IL3RA: variants seen among roughly 807,000 people sequenced by gnomAD.
IL3RA encodes interleukin 3 receptor subunit alpha.
A neutral mutation model predicts 52.3 loss-of-function variants in IL3RA; 73 were observed. That is an observed-to-expected ratio of 1.40 (90% CI 1.16 to 1.70). The LOEUF (loss-of-function observed/expected upper bound fraction) is 1.70, where lower values mean the gene tolerates loss of function less well. IL3RA is among the 40% of genes most tolerant of loss of function. The pLI is 0.00. For missense variants in IL3RA, 664 were observed against 504.4 expected (o/e 1.32, Z -3.03); for synonymous variants, 260 against 194.0 (o/e 1.34, Z -2.83).
chrX:1,381,084 A>G lies in IL3RA; in HGVS notation c.1042A>G (p.Ser348Gly). 3 of 1,613,868 alleles carry G rather than the reference A, an allele frequency of 1.9e-6. No individual in the cohort carries two copies. The highest frequency in any genetic ancestry group is 2.5e-6 in the Non-Finnish European group (3 of 1,179,812). Reference protein sequence around the residue: ...IPHMKDPIGDSFQNDKLVVWE... With the variant: ...IPHMKDPIGDGFQNDKLVVWE... ...TCACATGAAAGACCCCATCGGTGAC[A>G]GCTTCCAAAACGACAAGCTGGTATG... is the stretch of plus-strand genomic sequence containing the variant. Residue 348 changes from serine to glycine, a missense_variant, in exon 11 of 12, where the codon AGC (serine) becomes GGC (glycine). Physicochemically the swap from Ser to Gly is moderately conservative, Grantham distance 56 (BLOSUM62 0). Coordinates refer to ENST00000331035, the MANE Select transcript of IL3RA (RefSeq NM_002183.4).
At position 1,349,338 on chromosome X, in the gene IL3RA, C is replaced by T. The variant is rs181257283; in HGVS notation, c.298+793C>T. On this transcript the variant is annotated intron_variant, in intron 4 of 11. Coordinates refer to ENST00000331035, the MANE Select transcript of IL3RA (RefSeq NM_002183.4). Reference sequence around the variant, plus strand: ...CTGGGATTATAGGCGCCCACCGCCACGCCCAGCTAATTCTTGTATTTTTAG... The same window carrying T: ...CTGGGATTATAGGCGCCCACCGCCATGCCCAGCTAATTCTTGTATTTTTAG... 5.3e-3 allele frequency among the ~76,000 whole-genome samples: 808 copies of T among 151,444 alleles called. 10 individuals carry two copies. Among genetic ancestry groups the T allele is most frequent in the African/African-American group, 0.018 (760 of 41,260 alleles).
chrX:1,360,854 C>CCTCTCCCTTCCCCTCT (rs1569524742), intron 8 of IL3RA, among the ~76,000 whole-genome samples: 1 of 134,440 alleles, frequency 7.4e-6, no homozygotes, highest in Non-Finnish European at 1.6e-5. Context: ...TAGCTCTCTC[C>CCTCTCCCTTCCCCTCT]CTGTCTCTCT....
chrX:1,342,178 A>G (rs1238753656), intron 2 of IL3RA, among the ~76,000 whole-genome samples: 1 of 151,796 alleles, frequency 6.6e-6, no homozygotes, highest in African/African-American at 2.4e-5. Context: ...TATTATTTTT[A>G]TTTTGGAGAC....
At chrX:1,351,016 G>A (rs769068273) in intron 4 of IL3RA, among the ~76,000 whole-genome samples, 2 of 152,120 alleles carry the variant, frequency 1.3e-5, no homozygotes, top group African/African-American at 4.8e-5. Flanking sequence ...CGACCAGTCT[G>A]GGCAACATGG....
chrX:1,378,154 G>C (rs1403491519), intron 9 of IL3RA, among the ~76,000 whole-genome samples: 1 of 145,276 alleles, frequency 6.9e-6, no homozygotes, highest in Admixed American at 7.0e-5. Context: ...CTGCACTCCA[G>C]CCTGGGCGAC....
At chrX:1,359,016 T>C (rs2086954673) in intron 8 of IL3RA, 129 bp downstream of exon 8, 1 of 670,862 alleles carries the variant, frequency 1.5e-6, no homozygotes, top group Non-Finnish European at 2.1e-6. Flanking sequence ...TTATTAATAA[T>C]AAATGTTATT....
chrX:1,357,329 G>A (rs1250362100), intron 7 of IL3RA, among the ~76,000 whole-genome samples: 5 of 151,128 alleles, frequency 3.3e-5, no homozygotes, highest in African/African-American at 1.2e-4. Flanking sequence ...ACGGAGTCCT[G>A]CTCTGTCACC....
chrX:1,367,566 CGGGTGCGCG>C (rs1369915325), intron 9 of IL3RA, among the ~76,000 whole-genome samples: 11 of 49,650 alleles, frequency 2.2e-4, no homozygotes, highest in Admixed American at 4.8e-4. Context: ...CGGGGTGCGC[CGGGTGCGCG>C]GGGTGAGCGG....
Position 1,338,530 on chromosome X carries a change from G to A in IL3RA, c.-39+1604G>A, listed in dbSNP as rs191626646. Among the ~76,000 whole-genome samples, 1,395 of 152,346 alleles carry A rather than the reference G, an allele frequency of 9.2e-3. 15 individuals are homozygous for A. Among genetic ancestry groups the A allele is most frequent in the South Asian group, 0.016 (76 of 4,828 alleles). On this transcript the variant is annotated intron_variant, in intron 1 of 11. Coordinates refer to ENST00000331035, the MANE Select transcript of IL3RA (RefSeq NM_002183.4). ...ATATAATGTGGTCCAGCCACACGGT[G>A]GAATATTACACAGCCATGAAAAGGA...
chrX:1,360,943 T>C (rs1190690682), intron 8 of IL3RA, among the ~76,000 whole-genome samples: 118 of 19,584 alleles, frequency 6.0e-3, no homozygotes, highest in Non-Finnish European at 8.4e-3. Flanking sequence ...CTCTCTCCCT[T>C]CCCCTCTGTC....
At chrX:1,379,828 C>A (rs1319945452) in intron 10 of IL3RA, among the ~76,000 whole-genome samples, 4 of 152,168 alleles carry the variant, frequency 2.6e-5, no homozygotes, top group Admixed American at 6.5e-5. Flanking sequence ...GGCGCCATCT[C>A]GGTTCACTGC....
At chrX:1,341,885 A>G in intron 2 of IL3RA, 56 bp downstream of exon 2, 2 of 1,563,760 alleles carry the variant, frequency 1.3e-6, no homozygotes, top group South Asian at 1.1e-5. Flanking sequence ...GGGTAGACAG[A>G]CACACAATGT....
At chrX:1,356,594 C>T (rs371108694) in intron 7 of IL3RA, among the ~76,000 whole-genome samples, 1 of 152,000 alleles carries the variant, frequency 6.6e-6, no homozygotes, top group African/African-American at 2.4e-5. Flanking sequence ...GCGGTGAAAC[C>T]CCGTCTCTAC....
intron 7 of IL3RA, among the ~76,000 whole-genome samples, 178 bp downstream of exon 7, chrX:1,356,514 C>T (rs769067284): frequency 6.6e-6 from 1 of 152,076 alleles, no homozygotes; most frequent in Non-Finnish European, 1.5e-5. Context: ...TCACGCCTGT[C>T]ATCCCAGCAC....
At chrX:1,378,834 A>T in intron 10 of IL3RA, 70 bp downstream of exon 10, 1 of 1,319,778 alleles carries the variant, frequency 7.6e-7, no homozygotes, top group South Asian at 1.2e-5. Flanking sequence ...TCACAGAACC[A>T]TCCTGAGAAT....
rs190005279 is a variant in IL3RA, at chrX:1,348,209, T to C, written c.184-222T>C. Among the ~76,000 whole-genome samples, 362 of 137,310 alleles carry C rather than the reference T, an allele frequency of 2.6e-3. 6 individuals carry two copies. The highest frequency in any genetic ancestry group is 9.5e-3 in the African/African-American group (339 of 35,710). 90.1% of individuals were successfully genotyped at this position (137,310 alleles called of 152,430 possible). A position where few individuals can be genotyped will look rare whatever the true frequency, so the allele number is the denominator to read the frequency against. ...CCAGAAAAATACTTTAAAAATTAGC[T>C]GGGCGTGGTGGCGGGCACCTGTAAT... On this transcript the variant is annotated intron_variant, in intron 3 of 11. Transcript: ENST00000331035.
intron 3 of IL3RA, among the ~76,000 whole-genome samples, chrX:1,347,764 C>A (rs1358970441): frequency 6.6e-6 from 1 of 151,938 alleles, no homozygotes; most frequent in East Asian, 1.9e-4. Context: ...TGTGGCCGGG[C>A]GCGGTGGCTC....
At chrX:1,367,944 G>T (rs1201597508) in intron 9 of IL3RA, among the ~76,000 whole-genome samples, 5 of 152,012 alleles carry the variant, frequency 3.3e-5, no homozygotes, top group Non-Finnish European at 5.9e-5. Context: ...CTCACAGCTT[G>T]CTCTTACTCA....
intron 8 of IL3RA, among the ~76,000 whole-genome samples, chrX:1,360,434 CTT>C (rs1377502699): frequency 2.7e-5 from 4 of 150,656 alleles, no homozygotes; most frequent in African/African-American, 9.8e-5. Context: ...TTCTCCCTCT[CTT>C]TCTCTATCTC....
Sources: gnomAD v4.1 joint callset for allele counts (sites outside exome capture counted in the v4.1 genomes callset) on GRCh38, gnomAD v4.1.1 for gene constraint, MANE v1.5 for transcripts, NCBI Gene and HGNC (gene_info 2026-07-23, HGNC 2026-07-21) for gene names.